GALNT14: variants seen among roughly 807,000 people sequenced by gnomAD.
The protein encoded by GALNT14 is polypeptide N-acetylgalactosaminyltransferase 14.
GALNT14 carries 60 observed loss-of-function variants against 77.5 expected under a neutral mutation model. That is an observed-to-expected ratio of 0.77 (90% CI 0.63 to 0.96). The LOEUF is 0.96. GALNT14 is among the 40% of genes least tolerant of loss of function. GALNT14 has a pLI of 0.00. For synonymous variants in GALNT14, 280 were observed against 281.7 expected, an observed-to-expected ratio of 0.99 and a Z score of 0.06; for missense variants, 710 against 731.0, an observed-to-expected ratio of 0.97 and a Z score of 0.33.
At chr2:30,999,571 A>G (rs1670234689) in intron 1 of GALNT14, among the ~76,000 whole-genome samples, 1 of 152,230 alleles carries the variant, frequency 6.6e-6, no homozygotes, top group East Asian at 1.9e-4. Context: ...AAGGAATTCA[A>G]ACACAGTGGA....
chr2:30,961,476 CA>C (rs1667687231), intron 3 of GALNT14, among the ~76,000 whole-genome samples: 1 of 152,186 alleles, frequency 6.6e-6, no homozygotes, highest in Non-Finnish European at 1.5e-5. Context: ...ATAATTTCCT[CA>C]GCTGTGTGAA....
At chr2:31,016,339 T>G (rs1671357455) in intron 1 of GALNT14, among the ~76,000 whole-genome samples, 1 of 152,138 alleles carries the variant, frequency 6.6e-6, no homozygotes, top group South Asian at 2.1e-4. Flanking sequence ...CTTGATTACC[T>G]CCTTATAGGC....
chr2:31,129,556 G>A (rs1169340519), intron 1 of GALNT14: 4 of 985,366 alleles, frequency 4.1e-6, no homozygotes, highest in Non-Finnish European at 4.8e-6. Context: ...CACAGACCAC[G>A]TGGCCTGATC....
intron 2 of GALNT14, among the ~76,000 whole-genome samples, chr2:30,977,799 C>T (rs559108338): frequency 1.6e-4 from 24 of 152,160 alleles, no homozygotes; most frequent in Non-Finnish European, 2.5e-4. Context: ...TACCTTCCTG[C>T]ACCTTCGTAC....
At chr2:30,961,164 T>G (rs886791413) in intron 3 of GALNT14, among the ~76,000 whole-genome samples, 2 of 152,216 alleles carry the variant, frequency 1.3e-5, no homozygotes, top group Admixed American at 6.5e-5. Context: ...AGCCTTCATT[T>G]CCTCCTGTAA....
chr2:30,966,136 G>T, intron 3 of GALNT14, 68 bp downstream of exon 3: 1 of 1,235,276 alleles, frequency 8.1e-7, no homozygotes, highest in Admixed American at 1.8e-5. Context: ...CTGGGCACCT[G>T]GGGAGCAGAC....
chr2:31,137,835 G>T, intron 1 of GALNT14, 123 bp downstream of exon 1: 2 of 1,295,274 alleles, frequency 1.5e-6, no homozygotes, highest in Non-Finnish European at 2.1e-6. Flanking sequence ...TCCGGCGGCT[G>T]TTACCTGCTC....
At chr2:31,062,084 T>C (rs1203885236) in intron 1 of GALNT14, among the ~76,000 whole-genome samples, 1 of 152,242 alleles carries the variant, frequency 6.6e-6, no homozygotes, top group Non-Finnish European at 1.5e-5. Flanking sequence ...CTGGGATACA[T>C]GTGCAGAGCG....
chr2:31,033,066 C>T (rs995199617), intron 1 of GALNT14, among the ~76,000 whole-genome samples: 1 of 152,146 alleles, frequency 6.6e-6, no homozygotes, highest in African/African-American at 2.4e-5. Context: ...AGGGCAGATG[C>T]TGGAGAAGAA....
At chr2:31,114,797 C>T in intron 1 of GALNT14, 1 of 717,530 alleles carries the variant, frequency 1.4e-6, no homozygotes, top group Non-Finnish European at 2.6e-6. Flanking sequence ...TTGCAAGAGA[C>T]ATGGGAAATG....
At chr2:31,052,259 G>A (rs1395934139) in intron 1 of GALNT14, among the ~76,000 whole-genome samples, 2 of 152,146 alleles carry the variant, frequency 1.3e-5, no homozygotes, top group African/African-American at 2.4e-5. Context: ...ATGGCACCAA[G>A]TCCTTGTCTC....
At chr2:30,921,899 C>G (rs1310280858) in intron 13 of GALNT14, among the ~76,000 whole-genome samples, 1 of 152,188 alleles carries the variant, frequency 6.6e-6, no homozygotes, top group African/African-American at 2.4e-5. Flanking sequence ...CCACAATACA[C>G]AGGGGAGCCC....
At chr2:31,125,111 G>T in intron 1 of GALNT14, 1 of 1,403,528 alleles carries the variant, frequency 7.1e-7, no homozygotes, top group Non-Finnish European at 9.9e-7. Flanking sequence ...GGGCAGAAAA[G>T]CAGCTGGCAC....
chr2:30,934,276 G>A (rs1313741084), intron 9 of GALNT14, among the ~76,000 whole-genome samples: 1 of 152,124 alleles, frequency 6.6e-6, no homozygotes, highest in African/African-American at 2.4e-5. Context: ...AGTTGTGTCA[G>A]CACGTGTGAA....
intron 2 of GALNT14, among the ~76,000 whole-genome samples, chr2:30,986,539 C>T (rs867921000): frequency 9.2e-5 from 14 of 152,084 alleles, no homozygotes; most frequent in African/African-American, 2.2e-4. Flanking sequence ...CTTGTTGAAC[C>T]GGTCAATGCT....
At chr2:31,042,448 G>A (rs1673159095) in intron 1 of GALNT14, among the ~76,000 whole-genome samples, 2 of 151,870 alleles carry the variant, frequency 1.3e-5, no homozygotes, top group Admixed American at 1.3e-4. Flanking sequence ...GAAAAAAGAA[G>A]GAGGGCTCAG....
chr2:30,911,084 A>G (rs1227221140), intron 14 of GALNT14, 25 bp from the exon 15 acceptor site: 6 of 1,610,070 alleles, frequency 3.7e-6, no homozygotes, highest in Non-Finnish European at 4.2e-6. Context: ...AAGAGAGTGA[A>G]TGAACTAGGT....
intron 1 of GALNT14, among the ~76,000 whole-genome samples, chr2:31,071,781 G>A (rs1346927620): frequency 1.3e-5 from 2 of 152,206 alleles, no homozygotes; most frequent in South Asian, 2.1e-4. Context: ...TCTGGGCTCT[G>A]GGGCAGGACG....
chr2:30,974,817 T>C (rs75753390), intron 2 of GALNT14, among the ~76,000 whole-genome samples: 3,551 of 152,280 alleles, frequency 0.023, 143 homozygotes, highest in East Asian at 0.21. Flanking sequence ...GACTTATTTG[T>C]AGTTGTAACC....
Sources: allele counts gnomAD v4.1 joint callset (sites outside exome capture counted in the v4.1 genomes callset), GRCh38; gene constraint gnomAD v4.1.1; transcripts MANE v1.5; gene names NCBI Gene and HGNC (gene_info 2026-07-23, HGNC 2026-07-21).